Variants in EPB41L3 observed in about 807,000 individuals in gnomAD.
EPB41L3 encodes band 4.1-like protein 3.
A neutral mutation model predicts 127.1 loss-of-function variants in EPB41L3; 57 were observed. The ratio of observed to expected loss-of-function variants is 0.45; its 90% CI spans 0.36 to 0.56. The LOEUF is 0.56. EPB41L3 is among the 20% of genes least tolerant of loss of function. EPB41L3 has a pLI of 0.00. For synonymous variants in EPB41L3, 572 were observed against 549.5 expected (o/e 1.04, Z -0.57); for missense variants, 1,273 against 1,372.2 (o/e 0.93, Z 1.14).
intron 2 of EPB41L3, among the ~76,000 whole-genome samples, chr18:5,488,149 T>A (rs960775974): frequency 7.2e-5 from 11 of 152,086 alleles, no homozygotes; most frequent in African/African-American, 2.4e-4. Context: ...CTCAAACATG[T>A]ACAGGGAAAA....
At chr18:5,583,244 T>C (rs1273822110) in intron 3 of EPB41L3, among the ~76,000 whole-genome samples, 1 of 152,162 alleles carries the variant, frequency 6.6e-6, no homozygotes, top group Non-Finnish European at 1.5e-5. Flanking sequence ...GATGGTAGTT[T>C]TCAAAACTTC....
At chr18:5,540,078 A>C (rs572794185) in intron 1 of EPB41L3, among the ~76,000 whole-genome samples, 1 of 152,252 alleles carries the variant, frequency 6.6e-6, no homozygotes, top group African/African-American at 2.4e-5. Flanking sequence ...GAATTTAAAA[A>C]GAATGCTGTT....
chr18:5,576,003 C>T lies in EPB41L3; in HGVS notation c.-306+36337G>A, dbSNP rs113417159. 5.5e-3 allele frequency among the ~76,000 whole-genome samples: 833 copies of T among 152,256 alleles called. 7 individuals carry two copies. The highest frequency in any genetic ancestry group is 0.017 in the African/African-American group (711 of 41,548). On this transcript the variant is annotated intron_variant, in intron 3 of 21. Transcript: ENST00000545076. ...ACTACAAATATGAATAACATCCATA[C>T]GTATAATTTTGATTTTCAGTAATTT...
intron 4 of EPB41L3, among the ~76,000 whole-genome samples, chr18:5,444,876 A>C (rs550516098): frequency 6.6e-6 from 1 of 152,312 alleles, no homozygotes; most frequent in East Asian, 1.9e-4. Flanking sequence ...ACCACATAAA[A>C]TGCTTTCCAG....
intron 1 of EPB41L3, among the ~76,000 whole-genome samples, chr18:5,526,988 A>T (rs2093244212): frequency 6.6e-6 from 1 of 150,978 alleles, no homozygotes; most frequent in Non-Finnish European, 1.5e-5. Context: ...CCAAATTACA[A>T]GACAATAGAA....
chr18:5,422,274 T>C (rs1255359591), intron 11 of EPB41L3, among the ~76,000 whole-genome samples: 1 of 152,162 alleles, frequency 6.6e-6, no homozygotes, highest in Non-Finnish European at 1.5e-5. Flanking sequence ...GCCATTTTGA[T>C]TTCTTCTATA....
At chr18:5,535,109 G>A (rs755116869) in intron 1 of EPB41L3, among the ~76,000 whole-genome samples, 16 of 152,214 alleles carry the variant, frequency 1.1e-4, no homozygotes, top group African/African-American at 2.6e-4. Context: ...AACCGCACAC[G>A]TGAGGGATCT....
At chr18:5,496,646 A>G (rs2091206286) in intron 1 of EPB41L3, among the ~76,000 whole-genome samples, 1 of 152,244 alleles carries the variant, frequency 6.6e-6, no homozygotes, top group Non-Finnish European at 1.5e-5. Context: ...TCAGCAAAGG[A>G]GGCCTGATTA....
chr18:5,435,693 C>T (rs1253609127), intron 6 of EPB41L3, among the ~76,000 whole-genome samples: 1 of 152,150 alleles, frequency 6.6e-6, no homozygotes, highest in Non-Finnish European at 1.5e-5. Flanking sequence ...TGTTAAGTGA[C>T]ATGACTGTGT....
At chr18:5,431,344 A>C (rs766826898) in intron 8 of EPB41L3, 1 of 152,216 alleles carries the variant, frequency 6.6e-6, no homozygotes, top group Non-Finnish European at 1.5e-5. Context: ...ATTAGTTCCA[A>C]TTTGTTTCAG....
intron 3 of EPB41L3, among the ~76,000 whole-genome samples, chr18:5,602,908 A>T (rs1422485492): frequency 6.6e-6 from 1 of 152,224 alleles, no homozygotes; most frequent in Non-Finnish European, 1.5e-5. Context: ...TCTAGCTAAT[A>T]ATCTCATTCT....
In EPB41L3 at chr18:5,464,411, T is replaced by A. The variant is rs75307299; in HGVS notation, c.381+13830A>T. The stretch of plus-strand genomic sequence containing the variant: ...GATCTGTGGTCAGGCTTTCTACACA[T>A]CAGCCCTGTTTCAAAATCTGGCCCC... On this transcript the variant is annotated intron_variant, in intron 3 of 22. Coordinates refer to ENST00000341928, the MANE Select transcript of EPB41L3 (RefSeq NM_012307.5). 9.3e-3 allele frequency among the ~76,000 whole-genome samples: 1,409 copies of A among 152,242 alleles called. 21 individuals are homozygous for A. The highest frequency in any genetic ancestry group is 0.031 in the African/African-American group (1,296 of 41,536).
At chr18:5,500,195 G>T (rs1337167471) in intron 1 of EPB41L3, among the ~76,000 whole-genome samples, 1 of 152,066 alleles carries the variant, frequency 6.6e-6, no homozygotes, top group African/African-American at 2.4e-5. Flanking sequence ...GCATTCCTTT[G>T]CTAAAATCAA....
intron 3 of EPB41L3, among the ~76,000 whole-genome samples, chr18:5,604,936 T>A (rs2094633172): frequency 6.6e-6 from 1 of 152,134 alleles, no homozygotes; most frequent in Non-Finnish European, 1.5e-5. Flanking sequence ...GAATAAAGGA[T>A]TTATAATCCT....
chr18:5,443,256 T>A (rs1395998877), intron 5 of EPB41L3, among the ~76,000 whole-genome samples: 1 of 152,226 alleles, frequency 6.6e-6, no homozygotes, highest in Non-Finnish European at 1.5e-5. Context: ...AAACCCTAAT[T>A]CTTTGTTAAT....
At chr18:5,431,943 C>A (rs1568142398) in intron 8 of EPB41L3, among the ~76,000 whole-genome samples, 2 of 152,180 alleles carry the variant, frequency 1.3e-5, no homozygotes, top group Non-Finnish European at 2.9e-5. Context: ...AACAGAGCTA[C>A]ACCTGCTGTT....
At chr18:5,600,668 T>C (rs528743151) in intron 3 of EPB41L3, among the ~76,000 whole-genome samples, 2 of 152,326 alleles carry the variant, frequency 1.3e-5, no homozygotes, top group South Asian at 2.1e-4. Context: ...AAGGCACTCA[T>C]CCTTTCGTTT....
At chr18:5,488,357 C>T (rs1290716406) in intron 2 of EPB41L3, among the ~76,000 whole-genome samples, 1 of 151,100 alleles carries the variant, frequency 6.6e-6, no homozygotes, top group Non-Finnish European at 1.5e-5. Flanking sequence ...AAGTGGGAGT[C>T]GAACAATGAG....
intron 14 of EPB41L3, among the ~76,000 whole-genome samples, chr18:5,408,526 C>A (rs2075796822): frequency 6.6e-6 from 1 of 151,988 alleles, no homozygotes; most frequent in Non-Finnish European, 1.5e-5. Context: ...CTGCCCGCCT[C>A]AGCCTCCCAA....
Sources: allele counts gnomAD v4.1 joint callset (sites outside exome capture counted in the v4.1 genomes callset), GRCh38; gene constraint gnomAD v4.1.1; transcripts MANE v1.5; gene names NCBI Gene and HGNC (gene_info 2026-07-23, HGNC 2026-07-21).